Variants in SLC36A1 observed in about 807,000 individuals in gnomAD.
The protein encoded by SLC36A1 is proton-coupled amino acid transporter 1.
Under a neutral mutation model 47.5 loss-of-function variants are expected in SLC36A1, and 30 were observed. The ratio of observed to expected loss-of-function variants is 0.63; its 90% CI spans 0.47 to 0.86. The LOEUF is 0.86. SLC36A1 is among the 40% of genes least tolerant of loss of function. The pLI is 0.00. For synonymous variants in SLC36A1, 255 were observed against 249.7 expected (o/e 1.02, Z -0.20); for missense variants, 517 against 606.0 (o/e 0.85, Z 1.54).
chr5:151,440,892 C>G (rs1752584611), intron 1 of SLC36A1, among the ~76,000 whole-genome samples: 1 of 152,234 alleles, frequency 6.6e-6, no homozygotes. Context: ...GCTGGCCACA[C>G]AACATGTTAG....
the SLC36A1 span, chr5:151,378,161 C>A: frequency 6.8e-6 from 2 of 295,962 alleles, no homozygotes; most frequent in Non-Finnish European, 6.8e-6. Flanking sequence ...AAGAGCAGGA[C>A]AATCATTCAC....
At chr5:151,394,167 T>C in the SLC36A1 span, among the ~76,000 whole-genome samples, 101 of 152,364 alleles carry the variant, frequency 6.6e-4, no homozygotes, top group Non-Finnish European at 1.1e-3. Flanking sequence ...CTTCAGTCAC[T>C]GATACCCTTT....
chr5:151,386,671 C>T, the SLC36A1 span, among the ~76,000 whole-genome samples: 1 of 152,192 alleles, frequency 6.6e-6, no homozygotes, highest in Non-Finnish European at 1.5e-5. Flanking sequence ...TGGACACTCT[C>T]TCCATAGAAT....
chr5:151,432,902 CA>C (rs893122504), upstream of SLC36A1, among the ~76,000 whole-genome samples: 1 of 151,988 alleles, frequency 6.6e-6, no homozygotes, highest in African/African-American at 2.4e-5. Flanking sequence ...GTCACTTCTA[CA>C]TATAGAATAC....
chr5:151,396,060 G>A, the SLC36A1 span, among the ~76,000 whole-genome samples: 47 of 152,000 alleles, frequency 3.1e-4, no homozygotes, highest in Admixed American at 1.4e-3. Flanking sequence ...CCTGCTCACC[G>A]TGGCCTCCCA....
the SLC36A1 span, among the ~76,000 whole-genome samples, chr5:151,379,234 C>T: frequency 0.018 from 2,704 of 152,318 alleles, 221 homozygotes; most frequent in Admixed American, 0.15. Context: ...GCCAGCCTAA[C>T]GTTGGCCCTC....
intron 1 of SLC36A1, among the ~76,000 whole-genome samples, chr5:151,439,138 G>T (rs1432723647): frequency 6.7e-6 from 1 of 149,754 alleles, no homozygotes; most frequent in Admixed American, 6.6e-5. Flanking sequence ...GAGAGAGAGT[G>T]CAGGGGAAAC....
the SLC36A1 span, among the ~76,000 whole-genome samples, chr5:151,518,763 G>A: frequency 6.6e-6 from 1 of 152,338 alleles, no homozygotes; most frequent in Non-Finnish European, 1.5e-5. Context: ...ATCTTTGACT[G>A]TGGGACACTC....
Position 151,490,843 on chromosome 5 carries a change from C to T in SLC36A1, c.*2589C>T, listed in dbSNP as rs1760050370. The T allele has an allele frequency of 6.6e-6, 1 of 152,318 alleles. No homozygotes were observed. Among genetic ancestry groups the T allele is most frequent in the East Asian group, 1.9e-4 (1 of 5,194 alleles). 9.4% of individuals were successfully genotyped at this position (152,318 alleles called of 1,614,324 possible). Reference sequence around the variant, plus strand: ...GTAGTGGGAGGAAGCCCTTCCTCCTCTTATGCAAGCAGCTCGCAGCCAGCC... The same window carrying T: ...GTAGTGGGAGGAAGCCCTTCCTCCTTTTATGCAAGCAGCTCGCAGCCAGCC... On this transcript the variant is annotated 3_prime_UTR_variant, in exon 11 of 11. Transcript: ENST00000243389.
At chr5:151,389,097 G>T in the SLC36A1 span, among the ~76,000 whole-genome samples, 1 of 152,150 alleles carries the variant, frequency 6.6e-6, no homozygotes, top group Non-Finnish European at 1.5e-5. Flanking sequence ...TTGAGCCTGG[G>T]ATTCAAAGTC....
chr5:151,512,833 ACATCTCCATT>A, the SLC36A1 span: 1 of 561,548 alleles, frequency 1.8e-6, no homozygotes, highest in Non-Finnish European at 3.2e-6. This position sits in a 1 kb window ranked among gnomAD's most constrained non-coding sequence, Gnocchi z 4.1. Context: ...GTAGGGGGTG[ACATCTCCATT>A]CACAGATGAG....
chr5:151,364,095 T>C, the SLC36A1 span, among the ~76,000 whole-genome samples: 19 of 152,256 alleles, frequency 1.2e-4, no homozygotes, highest in Non-Finnish European at 2.4e-4. Context: ...GGTCTGTAAG[T>C]ACTTGTGTGT....
the SLC36A1 span, among the ~76,000 whole-genome samples, chr5:151,353,379 C>T: frequency 6.6e-6 from 1 of 152,128 alleles, no homozygotes; most frequent in Non-Finnish European, 1.5e-5. Flanking sequence ...TCTACCAAAA[C>T]CTAATGTTGT....
At chr5:151,360,303 G>A in the SLC36A1 span, among the ~76,000 whole-genome samples, 7 of 151,994 alleles carry the variant, frequency 4.6e-5, no homozygotes, top group South Asian at 6.2e-4. Flanking sequence ...GTTGATTAAC[G>A]CACACTTTGT....
At chr5:151,542,978 C>T in the SLC36A1 span, 2 of 1,614,168 alleles carry the variant, frequency 1.2e-6, no homozygotes, top group Non-Finnish European at 1.7e-6. Context: ...TCTTGAGCTG[C>T]CACTGCTTTA....
the SLC36A1 span, among the ~76,000 whole-genome samples, chr5:151,513,359 G>C: frequency 6.6e-6 from 1 of 152,180 alleles, no homozygotes; most frequent in South Asian, 2.1e-4. Context: ...CTCAACAACA[G>C]TGGGCTGGAT....
chr5:151,398,941 C>T, the SLC36A1 span, among the ~76,000 whole-genome samples: 5 of 151,772 alleles, frequency 3.3e-5, no homozygotes, highest in East Asian at 3.9e-4. Context: ...AAGAATAGTA[C>T]GAAGAATTTC....
At chr5:151,456,459 G>A (rs1447875817) in intron 1 of SLC36A1, among the ~76,000 whole-genome samples, 3 of 152,190 alleles carry the variant, frequency 2.0e-5, no homozygotes, top group South Asian at 2.1e-4. Context: ...TAGGCTTGGC[G>A]CCTGGGCCTC....
At chr5:151,459,530 T>C (rs1304059521) in intron 2 of SLC36A1, among the ~76,000 whole-genome samples, 1 of 152,182 alleles carries the variant, frequency 6.6e-6, no homozygotes, top group Non-Finnish European at 1.5e-5. Context: ...AATTGAGGAC[T>C]CCACCACAAA....
Sources: allele counts gnomAD v4.1 joint callset (sites outside exome capture counted in the v4.1 genomes callset), GRCh38; gene constraint gnomAD v4.1.1; non-coding constraint Gnocchi (gnomAD v3.1); transcripts MANE v1.5; gene names NCBI Gene and HGNC (gene_info 2026-07-23, HGNC 2026-07-21).